Variants in SLC35B2 observed in about 807,000 individuals in gnomAD.
SLC35B2 encodes the protein solute carrier family 35 member B2.
Under a neutral mutation model 37.9 loss-of-function variants are expected in SLC35B2, and 19 were observed. The observed-to-expected ratio is 0.50, with a 90% confidence interval of 0.35 to 0.74. SLC35B2 has a LOEUF of 0.74. SLC35B2 is among the 30% of genes least tolerant of loss of function. The probability of loss-of-function intolerance (pLI) is 0.01; values close to 1 mark genes in which losing one functional copy is unlikely to be tolerated. For synonymous variants in SLC35B2, 277 were observed against 225.2 expected (o/e 1.23, Z -2.06); for missense variants, 633 against 547.6 (o/e 1.16, Z -1.56).
Position 44,257,399 on chromosome 6 carries a change from C to G in SLC35B2, c.11+1G>C. Reference sequence around the variant, plus strand: ...GAGCTCGCTGCTGCCCTAGCCCCCACCTGGCGTCCATGGTCCAGGCCGCGT... The same window carrying G: ...GAGCTCGCTGCTGCCCTAGCCCCCAGCTGGCGTCCATGGTCCAGGCCGCGT... On this transcript the variant is annotated splice_donor_variant, in intron 1 of 3. Transcript: ENST00000393812. LOFTEE classifies it high-confidence loss of function. 7.8e-7 allele frequency: 1 copy of G among 1,277,110 alleles called. No individual in the cohort carries two copies. Among genetic ancestry groups the G allele is most frequent in the Non-Finnish European group, 1.0e-6 (1 of 1,004,424 alleles). The allele number at this position is 1,277,110 out of a possible 1,614,324, so 79.1% of individuals were successfully genotyped here.
rs1442084394 is a variant in SLC35B2 at position 44,255,657 on chromosome 6, G to A, written c.361-13C>T. 10 of 1,602,090 alleles carry A rather than the reference G, an allele frequency of 6.2e-6. No individual in the cohort carries two copies. The highest frequency in any genetic ancestry group is 8.5e-6 in the Non-Finnish European group (10 of 1,173,576). On this transcript the variant is annotated splice_polypyrimidine_tract_variant and intron_variant, in intron 3 of 3. Transcript: ENST00000393812. ...TCAGATAAGACACCTGTTGGGGAAG[G>A]TAGAGACAAAGGAGACAATAAGCAA...
rs1561906435 is a variant in SLC35B2, at chr6:44,254,726, ACT to A, written c.1277_1278del (p.Glu426ValfsTer13). The A allele has an allele frequency of 1.9e-6, 3 of 1,612,342 alleles. No homozygotes were observed. The highest frequency in any genetic ancestry group is 1.1e-5 in the South Asian group (1 of 91,014). On this transcript the variant is annotated frameshift_variant, in exon 4 of 4. Coordinates refer to ENST00000393812, the MANE Select transcript of SLC35B2 (RefSeq NM_178148.4). LOFTEE classifies it high-confidence loss of function. ...CACCCTCAAACCTTCTGCACAGGAGACTCAACAGGCACAGCCTTCTTTCCCCG... is the reference window on the plus strand; with the variant it reads ...CACCCTCAAACCTTCTGCACAGGAGACAACAGGCACAGCCTTCTTTCCCCG... ...KQRGKKAVPV[E>X]SPVQKV
At position 44,255,191 on chromosome 6, in the gene SLC35B2, G is replaced by A; in HGVS notation, c.814C>T (p.Leu272Phe). Residue 272 changes from leucine to phenylalanine, a missense_variant, in exon 4 of 4, where the codon CTC becomes TTC. Coordinates refer to ENST00000393812, the MANE Select transcript of SLC35B2 (RefSeq NM_178148.4). ...GCAATATAACCTGCCAGTAAGATGA[G>A]GCCTGAGAGTGTGGTGGCTGGGGAG... ...RSSPATTLSGLILLAGYIAFD... is the reference protein window; with the variant it reads ...RSSPATTLSGFILLAGYIAFD... 6.2e-7 allele frequency: 1 copy of A among 1,614,252 alleles called. No homozygotes were observed. Among genetic ancestry groups the A allele is most frequent in the Non-Finnish European group, 8.5e-7 (1 of 1,180,050 alleles).
Position 44,255,136 on chromosome 6 carries a change from T to C in SLC35B2, c.869A>G (p.Asp290Gly). The change falls in exon 4 of 4, where the codon GAT becomes GGT. Residue 290 changes from aspartate to glycine, a missense_variant. Coordinates refer to ENST00000393812, the MANE Select transcript of SLC35B2 (RefSeq NM_178148.4). ...TGACATCTTATAGGCAAACAGGGCA[T>C]CCTGCCAGTTTGAGGTGAAGCTGTC... ...AFDSFTSNWQ[D>G]ALFAYKMSSV... is the part of the protein sequence containing the mutation. 2 of 1,614,196 alleles carry C rather than the reference T, an allele frequency of 1.2e-6. No homozygotes were observed. Among genetic ancestry groups the C allele is most frequent in the Non-Finnish European group, 1.7e-6 (2 of 1,180,032 alleles).
chr6:44,257,312 G>A, intron 1 of SLC35B2, 88 bp downstream of exon 1: 6 of 1,290,698 alleles, frequency 4.6e-6, no homozygotes, highest in Non-Finnish European at 5.9e-6. Flanking sequence ...CGAGCAGCCG[G>A]GACCCCACCC....
At chr6:44,257,558 G>T (rs1350767702), upstream of SLC35B2, 9 of 681,116 alleles carry the variant, frequency 1.3e-5, no homozygotes, top group Non-Finnish European at 1.6e-5. Context: ...CCTCCCCGCG[G>T]CCCCCTCCGC....
In SLC35B2 at chr6:44,256,465, A is replaced by C; in HGVS notation, c.237T>G (p.Ala79=). The part of the protein sequence containing the change: ...GRGLCFPLVK[A]CVFGNEPKAS... ...CCTTGGGCTCATTGCCAAACACACA[A>C]GCTTTCACCAGGGGAAAGCAGAGGC... The change falls in exon 3 of 4, where the codon GCT becomes GCG. Residue 79 remains alanine, a synonymous_variant. Transcript: ENST00000393812. 6.2e-7 allele frequency: 1 copy of C among 1,614,164 alleles called. No individual in the cohort carries two copies. The highest frequency in any genetic ancestry group is 1.3e-5 in the African/African-American group (1 of 75,016).
rs557898412 is a variant in SLC35B2 at position 44,257,397 on chromosome 6, C to A, written c.11+3G>T. ...GTGAGCTCGCTGCTGCCCTAGCCCC[C>A]ACCTGGCGTCCATGGTCCAGGCCGC... is the stretch of plus-strand genomic sequence containing the variant. On this transcript the variant is annotated splice_donor_region_variant and intron_variant, in intron 1 of 3. Transcript: ENST00000393812. 8.5e-5 allele frequency: 109 copies of A among 1,277,682 alleles called. No individual in the cohort carries two copies. In the African/African-American group the frequency reaches 1.6e-3, roughly 18 times the overall value. The allele number at this position is 1,277,682 out of a possible 1,614,324, so 79.1% of individuals were successfully genotyped here.
At chr6:44,256,526 A>G (rs556561182) in intron 2 of SLC35B2, 30 bp from the exon 3 acceptor site, 9 of 1,613,808 alleles carry the variant, frequency 5.6e-6, no homozygotes, top group East Asian at 4.5e-5. Flanking sequence ...TCAAGCCCCA[A>G]ATCTTCTCCA....
intron 1 of SLC35B2, 160 bp from the exon 2 acceptor site, chr6:44,257,038 AG>A (rs1269866156): frequency 3.8e-5 from 31 of 813,792 alleles, no homozygotes; most frequent in Non-Finnish European, 5.3e-5. Context: ...TCTCTCGGGG[AG>A]GGGGTGCGCC....
rs1406765027 is a variant in SLC35B2, at chr6:44,254,144, A to AT, written c.*561_*562insA. On this transcript the variant is annotated 3_prime_UTR_variant, in exon 4 of 4. Transcript: ENST00000393812. Reference sequence around the variant, plus strand: ...TTTAATAAAATAAAATTATAAGAGCAAAAAGTTACATTTCTAAAGTACCAA... The same window carrying AT: ...TTTAATAAAATAAAATTATAAGAGCATAAAAGTTACATTTCTAAAGTACCAA... 1.8e-5 allele frequency: 4 copies of AT among 217,284 alleles called. No individual in the cohort carries two copies. The highest frequency in any genetic ancestry group is 3.8e-5 in the Non-Finnish European group (4 of 106,150). The allele number at this position is 217,284 out of a possible 1,614,324, so 13.5% of individuals were successfully genotyped here.
At chr6:44,257,010 A>G in intron 1 of SLC35B2, 132 bp from the exon 2 acceptor site, 2 of 977,956 alleles carry the variant, frequency 2.0e-6, no homozygotes, top group Non-Finnish European at 1.4e-6. Context: ...CCGGACAAAG[A>G]GCCTCTCTCT....
rs1425250981 is a variant in SLC35B2 at position 44,254,790 on chromosome 6, G to A, written c.1215C>T (p.Leu405=). 1 of 1,614,170 alleles carries A rather than the reference G, an allele frequency of 6.2e-7. No individual in the cohort carries two copies. Among genetic ancestry groups the A allele is most frequent in the South Asian group, 1.1e-5 (1 of 91,082 alleles). The change falls in exon 4 of 4, where the codon CTC becomes CTT. Residue 405 remains leucine (L), a synonymous_variant. Coordinates refer to ENST00000393812, the MANE Select transcript of SLC35B2 (RefSeq NM_178148.4). ...GLGVAVVFAA[L]LLRVYARGRL... ...GGCCCCGCGCGTAGACTCTGAGCAG[G>A]AGGGCAGCAAAGACCACAGCCACCC...
upstream of SLC35B2, chr6:44,257,533 C>T: frequency 2.1e-6 from 2 of 957,238 alleles, no homozygotes; most frequent in Non-Finnish European, 2.7e-6. Flanking sequence ...GGAAGTGCCG[C>T]GCTCTTCCCG....
At chr6:44,257,575 C>T, upstream of SLC35B2, 1 of 550,666 alleles carries the variant, frequency 1.8e-6, no homozygotes, top group African/African-American at 2.0e-5. Context: ...CCGCCCCTGC[C>T]GCGACCACGC....
chr6:44,255,095 A>C lies in SLC35B2; in HGVS notation c.910T>G (p.Phe304Val). ...AGGCAGGAGAAGAAATTGACCCCAAACATCATCTGCACCGATGACATCTTA... is the reference window on the plus strand; with the variant it reads ...AGGCAGGAGAAGAAATTGACCCCAACCATCATCTGCACCGATGACATCTTA... ...AYKMSSVQMM[F>V]GVNFFSCLFT... The change falls in exon 4 of 4, where the codon TTT becomes GTT. Residue 304 changes from phenylalanine (F) to valine (V), a missense_variant. Phe to Val is a conservative substitution (Grantham distance 50). Coordinates refer to ENST00000393812, the MANE Select transcript of SLC35B2 (RefSeq NM_178148.4). The C allele has an allele frequency of 6.2e-7, 1 of 1,614,168 alleles. No individual in the cohort carries two copies.
At position 44,254,497 on chromosome 6, in the gene SLC35B2, T is replaced by C; in HGVS notation, c.*209A>G. ...ACTGAGGACTGTCTACCCCCGGGGC[T>C]CAGAATAAACTGCTTACTGGAAGAT... On this transcript the variant is annotated 3_prime_UTR_variant, in exon 4 of 4. Transcript: ENST00000393812. 2 of 586,536 alleles carry C rather than the reference T, an allele frequency of 3.4e-6. No homozygotes were observed. The highest frequency in any genetic ancestry group is 5.9e-6 in the Non-Finnish European group (2 of 337,524). 36.3% of individuals were successfully genotyped at this position (586,536 alleles called of 1,614,324 possible).
Position 44,254,448 on chromosome 6 carries a change from ACCCCAAACTC to A in SLC35B2, c.*248_*257del. The stretch of plus-strand genomic sequence containing the variant: ...ACTGGAACCTACCTATGCTCTCTTG[ACCCCAAACTC>A]CCCAAAACCCCTCACTGAGGACTGT... On this transcript the variant is annotated 3_prime_UTR_variant, in exon 4 of 4. Transcript: ENST00000393812. 1 of 489,340 alleles carries A rather than the reference ACCCCAAACTC, an allele frequency of 2.0e-6. No individual in the cohort carries two copies. The allele number at this position is 489,340 out of a possible 1,614,324, so 30.3% of individuals were successfully genotyped here.
Position 44,254,575 on chromosome 6 carries a change from C to T in SLC35B2, c.*131G>A. On this transcript the variant is annotated 3_prime_UTR_variant, in exon 4 of 4. Coordinates refer to ENST00000393812, the MANE Select transcript of SLC35B2 (RefSeq NM_178148.4). ...GCCTCCTGGGCTCCCCAATCCCCTG[C>T]TGCAGAGCTGGTCTGTGATACTGAG... 9.4e-7 allele frequency: 1 copy of T among 1,068,502 alleles called. No individual in the cohort carries two copies. The highest frequency in any genetic ancestry group is 1.6e-5 in the African/African-American group (1 of 62,926). 66.2% of individuals were successfully genotyped at this position (1,068,502 alleles called of 1,614,324 possible). A position where few individuals can be genotyped will look rare whatever the true frequency, so the allele number is the denominator to read the frequency against.
Sources: allele counts gnomAD v4.1 joint callset, GRCh38; gene constraint gnomAD v4.1.1; transcripts MANE v1.5; gene names NCBI Gene and HGNC (gene_info 2026-07-23, HGNC 2026-07-21).